MPIG6B: variants seen among roughly 807,000 people sequenced by gnomAD.
MPIG6B encodes the protein megakaryocyte and platelet inhibitory receptor G6b.
A neutral mutation model predicts 24.2 loss-of-function variants in MPIG6B; 22 were observed. The observed-to-expected ratio is 0.91, with a 90% CI of 0.65 to 1.30. MPIG6B has a LOEUF of 1.30. Among genes scored for constraint, MPIG6B ranks in the 50% most tolerant of loss-of-function variants. MPIG6B has a pLI of 0.00. For missense variants in MPIG6B, 301 were observed against 318.5 expected (o/e 0.94, Z 0.42); for synonymous variants, 136 against 142.0 (o/e 0.96, Z 0.30).
At chr6:31,724,253 CT>C in intron 3 of MPIG6B, 21 bp downstream of exon 3, 2 of 1,591,136 alleles carry the variant, frequency 1.3e-6, no homozygotes, top group Non-Finnish European at 1.7e-6. Flanking sequence ...GGGACCCGGC[CT>C]CGTTAAATGG....
Position 31,723,666 on chromosome 6 carries a change from G to T in MPIG6B, c.89G>T (p.Arg30Leu), listed in dbSNP as rs749137720. ...TCTCTGGACGGCCGCCCTGGGGACC[G>T]GGTGAATCTCTCCTGCGGAGGAGTC... ...GASLDGRPGD[R>L]VNLSCGGVSH... Residue 30 changes from arginine to leucine, a missense_variant, in exon 2 of 6, where the codon CGG becomes CTG. By Grantham distance (102) the Arg-to-Leu change is moderately radical. Coordinates refer to ENST00000649779, the MANE Select transcript of MPIG6B (RefSeq NM_138272.3). The surrounding 1 kb of genome is among the most constrained non-coding windows in gnomAD (Gnocchi z 4.3). The T allele has an allele frequency of 1.3e-6, 2 of 1,586,946 alleles. No homozygotes were observed. Among genetic ancestry groups the T allele is most frequent in the Non-Finnish European group, 1.7e-6 (2 of 1,166,796 alleles).
chr6:31,723,650 G>T lies in MPIG6B; in HGVS notation c.73G>T (p.Gly25Cys), dbSNP rs934277118. Residue 25 changes from glycine to cysteine, a missense_variant, in exon 2 of 6, where the codon GGC (glycine) becomes TGC (cysteine). Coordinates refer to ENST00000649779, the MANE Select transcript of MPIG6B (RefSeq NM_138272.3). The surrounding 1 kb of genome is among the most constrained non-coding windows in gnomAD (Gnocchi z 4.3). ...AQGNPGASLD[G>C]RPGDRVNLSC... Reference sequence around the variant, plus strand: ...CCGGCCTCTCCTAGCTTCTCTGGACGGCCGCCCTGGGGACCGGGTGAATCT... The same window carrying T: ...CCGGCCTCTCCTAGCTTCTCTGGACTGCCGCCCTGGGGACCGGGTGAATCT... The T allele has an allele frequency of 6.4e-7, 1 of 1,569,830 alleles. No homozygotes were observed. The highest frequency in any genetic ancestry group is 8.6e-7 in the Non-Finnish European group (1 of 1,159,090).
At chr6:31,720,575 A>G (rs2151294562), upstream of MPIG6B, among the ~76,000 whole-genome samples, 1 of 152,294 alleles carries the variant, frequency 6.6e-6, no homozygotes, top group Non-Finnish European at 1.5e-5. The surrounding 1 kb of genome is among the most constrained non-coding windows in gnomAD (Gnocchi z 4.9). Flanking sequence ...TGGAAACTTG[A>G]AAGAAGGAGA....
At position 31,724,130 on chromosome 6, in the gene MPIG6B, C is replaced by G; in HGVS notation, c.410-12C>G. The stretch of plus-strand genomic sequence containing the variant: ...GACCTCAGCATCCCTCCCCGCCACG[C>G]CTTTCCCCCAGGGTCCGTGTATCCC... On this transcript the variant is annotated splice_polypyrimidine_tract_variant and intron_variant, in intron 2 of 5. Transcript: ENST00000649779. 6.2e-7 allele frequency: 1 copy of G among 1,611,038 alleles called. No individual in the cohort carries two copies. The highest frequency in any genetic ancestry group is 8.5e-7 in the Non-Finnish European group (1 of 1,178,342).
chr6:31,723,409 C>CGCT lies in MPIG6B; in HGVS notation c.33_35dup (p.Leu12dup), dbSNP rs759799400. The CGCT allele has an allele frequency of 2.5e-6, 4 of 1,612,888 alleles. No homozygotes were observed. Among genetic ancestry groups the CGCT allele is most frequent in the Non-Finnish European group, 3.4e-6 (4 of 1,179,916 alleles). ...ATGGCTGTGTTTCTGCAGCTGCTACCGCTGCTGCTCTCGAGGGCCCAAGGG... is the reference window on the plus strand; with the variant it reads ...ATGGCTGTGTTTCTGCAGCTGCTACCGCTGCTGCTGCTCTCGAGGGCCCAAGGG... On this transcript the variant is annotated inframe_insertion, in exon 1 of 6. Transcript: ENST00000649779. This position sits in a 1 kb window ranked among gnomAD's most constrained non-coding sequence, Gnocchi z 4.3.
chr6:31,724,928 G>A, intron 5 of MPIG6B, 42 bp from the exon 6 acceptor site: 2 of 1,609,610 alleles, frequency 1.2e-6, no homozygotes, highest in South Asian at 2.2e-5. Context: ...CCCCAAGGAA[G>A]ACTGTGGAGA....
chr6:31,724,859 A>T lies in MPIG6B; in HGVS notation c.621+15A>T. The T allele has an allele frequency of 6.2e-7, 1 of 1,612,152 alleles. No individual in the cohort carries two copies. The highest frequency in any genetic ancestry group is 8.5e-7 in the Non-Finnish European group (1 of 1,178,738). The stretch of plus-strand genomic sequence containing the variant: ...ACCAGGAACCGGTAAGGGCATGGGG[A>T]TGGGAAGGGGATAGCCAGAATCTCT... On this transcript the variant is annotated intron_variant, in intron 5 of 5. Coordinates refer to ENST00000649779, the MANE Select transcript of MPIG6B (RefSeq NM_138272.3).
upstream of MPIG6B, chr6:31,723,366 C>G (rs756595681): frequency 3.1e-6 from 5 of 1,604,092 alleles, no homozygotes; most frequent in Non-Finnish European, 4.3e-6. This position sits in a 1 kb window ranked among gnomAD's most constrained non-coding sequence, Gnocchi z 4.3. Flanking sequence ...CGCAGCTTCT[C>G]CTCACCACAT....
chr6:31,725,005 C>T lies in MPIG6B; in HGVS notation c.657C>T (p.Leu219=), dbSNP rs756007056. 1 of 1,614,028 alleles carries T rather than the reference C, an allele frequency of 6.2e-7. No individual in the cohort carries two copies. Among genetic ancestry groups the T allele is most frequent in the South Asian group, 1.1e-5 (1 of 91,086 alleles). The change falls in exon 6 of 6, where the codon CTC becomes CTT. Residue 219 remains leucine (L), a synonymous_variant. Transcript: ENST00000649779. This position sits in a 1 kb window ranked among gnomAD's most constrained non-coding sequence, Gnocchi z 5.2. ...LLYADLDHLA[L]SRPRRLSTAD... is the part of the protein sequence containing the mutation. Reference sequence around the variant, plus strand: ...ATGCGGATCTGGACCATCTAGCCCTCAGCAGGCCCCGCCGGCTGTCCACAG... The same window carrying T: ...ATGCGGATCTGGACCATCTAGCCCTTAGCAGGCCCCGCCGGCTGTCCACAG...
At position 31,725,197 on chromosome 6, in the gene MPIG6B, G is replaced by A; in HGVS notation, c.*123G>A. The A allele has an allele frequency of 1.5e-6, 1 of 677,622 alleles. No homozygotes were observed. Among genetic ancestry groups the A allele is most frequent in the Non-Finnish European group, 2.5e-6 (1 of 394,522 alleles). 42.0% of individuals were successfully genotyped at this position (677,622 alleles called of 1,614,324 possible). On this transcript the variant is annotated 3_prime_UTR_variant, in exon 6 of 6. Coordinates refer to ENST00000649779, the MANE Select transcript of MPIG6B (RefSeq NM_138272.3). This position sits in a 1 kb window ranked among gnomAD's most constrained non-coding sequence, Gnocchi z 5.2. ...ATGGTATAGAAATAAGTGCTAGACT[G>A]GGAGTTGGGAGACCTGGGTTCCAGG...
upstream of MPIG6B, among the ~76,000 whole-genome samples, chr6:31,722,380 C>T (rs1480925393): frequency 6.6e-6 from 1 of 152,108 alleles, no homozygotes; most frequent in Non-Finnish European, 1.5e-5. Flanking sequence ...GGATGTCACC[C>T]GTGCTCCACT....
chr6:31,723,506 C>G lies in MPIG6B; in HGVS notation c.61+62C>G, dbSNP rs1457020146. The G allele has an allele frequency of 6.6e-7, 1 of 1,513,310 alleles. No individual in the cohort carries two copies. Among genetic ancestry groups the G allele is most frequent in the Non-Finnish European group, 9.2e-7 (1 of 1,092,872 alleles). 93.7% of individuals were successfully genotyped at this position (1,513,310 alleles called of 1,614,324 possible). On this transcript the variant is annotated intron_variant, in intron 1 of 5. Coordinates refer to ENST00000649779, the MANE Select transcript of MPIG6B (RefSeq NM_138272.3). The surrounding 1 kb of genome is among the most constrained non-coding windows in gnomAD (Gnocchi z 4.3). ...GGGGCTGAAGCAAGATAAGGGCCGC[C>G]TAGTAGGGTGGGTTGTGTGTGGGAA...
upstream of MPIG6B, among the ~76,000 whole-genome samples, chr6:31,722,592 C>T (rs144605446): frequency 2.6e-4 from 39 of 152,196 alleles, no homozygotes; most frequent in East Asian, 7.3e-3. Context: ...TGTGGTGGCT[C>T]ACACCTGTAA....
At chr6:31,723,218 C>G, upstream of MPIG6B, 1 of 664,812 alleles carries the variant, frequency 1.5e-6, no homozygotes, top group Non-Finnish European at 2.7e-6. The surrounding 1 kb of genome is among the most constrained non-coding windows in gnomAD (Gnocchi z 4.3). Context: ...CCGAGTTTGC[C>G]TGCGAGGATT....
rs771501439 is a variant in MPIG6B at position 31,723,707 on chromosome 6, T to C, written c.130T>C (p.Trp44Arg). 6.2e-7 allele frequency: 1 copy of C among 1,611,404 alleles called. No homozygotes were observed. Among genetic ancestry groups the C allele is most frequent in the Non-Finnish European group, 8.5e-7 (1 of 1,179,206 alleles). ...SCGGVSHPIRWVWAPSFPACK... is the reference protein window; with the variant it reads ...SCGGVSHPIRRVWAPSFPACK... ...CGGAGGAGTCTCTCATCCCATCCGCTGGGTCTGGGCACCCAGCTTCCCGGC... is the reference window on the plus strand; with the variant it reads ...CGGAGGAGTCTCTCATCCCATCCGCCGGGTCTGGGCACCCAGCTTCCCGGC... The change falls in exon 2 of 6, where the codon TGG becomes CGG. Residue 44 changes from tryptophan (W) to arginine (R), a missense_variant. By Grantham distance (101) the Trp-to-Arg change is moderately radical. Coordinates refer to ENST00000649779, the MANE Select transcript of MPIG6B (RefSeq NM_138272.3). This position sits in a 1 kb window ranked among gnomAD's most constrained non-coding sequence, Gnocchi z 4.3.
chr6:31,725,973 C>T lies in MPIG6B; in HGVS notation c.*899C>T, dbSNP rs1400178178. Reference sequence around the variant, plus strand: ...TCTTTAACAACCCAGTTGCCCAACCCAGAAACTGGGAGTCACGCAGACCTC... The same window carrying T: ...TCTTTAACAACCCAGTTGCCCAACCTAGAAACTGGGAGTCACGCAGACCTC... On this transcript the variant is annotated 3_prime_UTR_variant, in exon 6 of 6. Transcript: ENST00000649779. This position sits in a 1 kb window ranked among gnomAD's most constrained non-coding sequence, Gnocchi z 5.2. The T allele has an allele frequency of 6.6e-6, 1 of 152,400 alleles. No homozygotes were observed. Among genetic ancestry groups the T allele is most frequent in the East Asian group, 1.9e-4 (1 of 5,192 alleles). The allele number at this position is 152,400 out of a possible 1,614,324, so 9.4% of individuals were successfully genotyped here.
upstream of MPIG6B, among the ~76,000 whole-genome samples, chr6:31,722,170 G>A (rs1806837087): frequency 2.0e-5 from 3 of 152,170 alleles, no homozygotes; most frequent in South Asian, 4.1e-4. Flanking sequence ...GCATGCTGGT[G>A]GAAATTGGGG....
chr6:31,721,833 C>A (rs752965796), upstream of MPIG6B: 5 of 712,448 alleles, frequency 7.0e-6, no homozygotes, highest in Non-Finnish European at 1.2e-5. Flanking sequence ...TCACTTACTA[C>A]GCAGCTGACC....
At position 31,723,788 on chromosome 6, in the gene MPIG6B, A is replaced by G. The variant is rs1807039451; in HGVS notation, c.211A>G (p.Thr71Ala). ...GATCCTGTGGGCCTCTTCGAGCGGG[A>G]CCCCCACCGTGCCTCCCCTCCAGCC... ...RPILWASSSG[T>A]PTVPPLQPFV... The change falls in exon 2 of 6, where the codon ACC becomes GCC. Residue 71 changes from threonine to alanine, a missense_variant. Transcript: ENST00000649779. The surrounding 1 kb of genome is among the most constrained non-coding windows in gnomAD (Gnocchi z 4.3). The G allele has an allele frequency of 6.2e-7, 1 of 1,612,588 alleles. No individual in the cohort carries two copies. Among genetic ancestry groups the G allele is most frequent in the Non-Finnish European group, 8.5e-7 (1 of 1,179,628 alleles).
Sources: gnomAD v4.1 joint callset for allele counts (sites outside exome capture counted in the v4.1 genomes callset) on GRCh38, gnomAD v4.1.1 for gene constraint, Gnocchi (gnomAD v3.1) non-coding constraint, MANE v1.5 for transcripts, NCBI Gene and HGNC (gene_info 2026-07-23, HGNC 2026-07-21) for gene names.